The following AGO3 variants were observed in gnomAD, a reference collection of about 807,000 sequenced individuals.
The protein encoded by AGO3 is argonaute RISC catalytic component 3.
AGO3 carries 16 observed loss-of-function variants against 105.5 expected under a neutral mutation model. That is an observed-to-expected ratio of 0.15 (90% CI 0.10 to 0.23). AGO3 has a LOEUF of 0.23. Among genes scored for constraint, AGO3 ranks in the 10% least tolerant of loss-of-function variants. AGO3 has a pLI of 1.00. For missense variants in AGO3, 534 were observed against 1,088.0 expected (o/e 0.49, Z 7.16); for synonymous variants, 340 against 367.3 (o/e 0.93, Z 0.85).
intron 1 of AGO3, among the ~76,000 whole-genome samples, chr1:35,942,899 C>T (rs1022871966): frequency 2.0e-5 from 3 of 152,164 alleles, no homozygotes; most frequent in African/African-American, 4.8e-5. Flanking sequence ...TCTCAACTCC[C>T]GGTGACCACA....
intron 11 of AGO3, among the ~76,000 whole-genome samples, chr1:36,024,659 G>A (rs1039844957): frequency 5.9e-5 from 9 of 152,086 alleles, no homozygotes; most frequent in African/African-American, 1.9e-4. Flanking sequence ...TTGACTAAGA[G>A]TGACATTCAA....
At chr1:35,958,389 A>C (rs1646612724) in intron 2 of AGO3, among the ~76,000 whole-genome samples, 1 of 151,858 alleles carries the variant, frequency 6.6e-6, no homozygotes, top group Middle Eastern at 3.2e-3. Flanking sequence ...ATAAAAAAAA[A>C]AGAAAAATTT....
chr1:35,933,478 CA>C (rs1375776991), intron 1 of AGO3, among the ~76,000 whole-genome samples: 1 of 151,462 alleles, frequency 6.6e-6, no homozygotes, highest in Non-Finnish European at 1.5e-5. Context: ...CCTGCCTCTA[CA>C]AAAAACAGAA....
At chr1:35,960,372 C>T (rs1646651246) in intron 2 of AGO3, among the ~76,000 whole-genome samples, 2 of 152,060 alleles carry the variant, frequency 1.3e-5, no homozygotes, top group Non-Finnish European at 2.9e-5. Flanking sequence ...CCCAGTTACT[C>T]AGAAGGCTAA....
At chr1:35,986,382 A>T (rs986760919) in intron 5 of AGO3, among the ~76,000 whole-genome samples, 4 of 152,222 alleles carry the variant, frequency 2.6e-5, no homozygotes, top group African/African-American at 9.7e-5. Flanking sequence ...ATATGTATCA[A>T]TGTGAATTAT....
chr1:36,050,819 A>G (rs1480689427), intron 17 of AGO3, among the ~76,000 whole-genome samples: 1 of 146,548 alleles, frequency 6.8e-6, no homozygotes, highest in Non-Finnish European at 1.5e-5. Flanking sequence ...AAGATACTTG[A>G]TTTGATTTCT....
chr1:36,027,893 G>A lies in AGO3; in HGVS notation c.1591+595G>A, dbSNP rs1641581987. Among the ~76,000 whole-genome samples, 2 of 152,260 alleles carry A rather than the reference G, an allele frequency of 1.3e-5. No homozygotes were observed. Among genetic ancestry groups the A allele is most frequent in the South Asian group, 4.1e-4 (2 of 4,826 alleles). On this transcript the variant is annotated intron_variant, in intron 12 of 18. Transcript: ENST00000373191. The surrounding 1 kb of genome is among the most constrained non-coding windows in gnomAD (Gnocchi z 4.0). ...ATAATTTGAGTATCAGTATAATGTA[G>A]TGGTTAAAAGCACAGGCTATCAAAT... is the stretch of plus-strand genomic sequence containing the variant.
intron 5 of AGO3, among the ~76,000 whole-genome samples, chr1:35,986,245 T>G (rs886787503): frequency 2.0e-5 from 3 of 152,188 alleles, no homozygotes; most frequent in African/African-American, 7.2e-5. Context: ...CTTGAAACAT[T>G]ATATGTAATA....
chr1:36,040,312 A>G lies in AGO3; in HGVS notation c.2043A>G (p.Leu681=), dbSNP rs1642191879. ...TTCCATTTCATATTCTCTAGGTATTATATTATGAACTACTAGCAATTCGAG... is the reference window on the plus strand; with the variant it reads ...TTCCATTTCATATTCTCTAGGTATTGTATTATGAACTACTAGCAATTCGAG... ...GVSEGQFRQV[L]YYELLAIREA... is the part of the protein sequence containing the mutation. Residue 681 remains leucine (L), a synonymous_variant, in exon 16 of 19, where the codon TTA becomes TTG. Coordinates refer to ENST00000373191, the MANE Select transcript of AGO3 (RefSeq NM_024852.4). 1 of 1,612,832 alleles carries G rather than the reference A, an allele frequency of 6.2e-7. No individual in the cohort carries two copies. The highest frequency in any genetic ancestry group is 8.5e-7 in the Non-Finnish European group (1 of 1,179,112).
intron 1 of AGO3, among the ~76,000 whole-genome samples, chr1:35,943,014 T>C (rs955943955): frequency 2.6e-5 from 4 of 152,120 alleles, no homozygotes; most frequent in Admixed American, 2.0e-4. Flanking sequence ...GTTTTGTTTT[T>C]TTTTTTGAGA....
At chr1:35,945,620 A>G (rs1646348909) in intron 1 of AGO3, 72 bp from the exon 2 acceptor site, 1 of 1,473,538 alleles carries the variant, frequency 6.8e-7, no homozygotes, top group Non-Finnish European at 9.3e-7. Flanking sequence ...TAATTCTAAT[A>G]TACTCTGGTT....
At chr1:35,983,467 G>A (rs1483204659) in intron 5 of AGO3, 1 of 150,708 alleles carries the variant, frequency 6.6e-6, no homozygotes. Flanking sequence ...GTGCGTACTT[G>A]TAGTCCCAGC....
intron 1 of AGO3, among the ~76,000 whole-genome samples, chr1:35,936,614 AC>A (rs1324186213): frequency 6.6e-6 from 1 of 152,124 alleles, no homozygotes; most frequent in Non-Finnish European, 1.5e-5. Context: ...GAGCCACTGC[AC>A]CTGCCCTAGA....
At chr1:36,017,032 T>G (rs1337248995) in intron 11 of AGO3, among the ~76,000 whole-genome samples, 1 of 152,144 alleles carries the variant, frequency 6.6e-6, no homozygotes, top group African/African-American at 2.4e-5. Flanking sequence ...TTACCAAGAT[T>G]TTGGGTTTCT....
At chr1:36,039,653 T>C in intron 14 of AGO3, 137 bp from the exon 15 acceptor site, 1 of 609,750 alleles carries the variant, frequency 1.6e-6, no homozygotes, top group Non-Finnish European at 2.4e-6. Flanking sequence ...AACTCAGAAT[T>C]ACTATTTTTG....
chr1:35,965,195 A>C (rs1304125316), intron 2 of AGO3, among the ~76,000 whole-genome samples: 1 of 152,054 alleles, frequency 6.6e-6, no homozygotes, highest in African/African-American at 2.4e-5. Flanking sequence ...AATTTCACCT[A>C]AGAAACCAGA....
chr1:35,971,928 G>T, intron 3 of AGO3, 96 bp from the exon 4 acceptor site: 10 of 1,174,632 alleles, frequency 8.5e-6, no homozygotes, highest in African/African-American at 1.6e-5. Context: ...CTTTATTTTT[G>T]CCATGTTTTC....
chr1:36,019,644 A>G (rs908232319), intron 11 of AGO3, among the ~76,000 whole-genome samples: 1 of 152,246 alleles, frequency 6.6e-6, no homozygotes, highest in African/African-American at 2.4e-5. Flanking sequence ...CAGATGTAGC[A>G]GAAAGGTACC....
At chr1:35,955,696 G>A (rs1159302880) in intron 2 of AGO3, among the ~76,000 whole-genome samples, 2 of 151,756 alleles carry the variant, frequency 1.3e-5, no homozygotes, top group African/African-American at 2.4e-5. Context: ...CTGGGCCCGA[G>A]CAATCCTCCC....
Sources: gnomAD v4.1 joint callset for allele counts (sites outside exome capture counted in the v4.1 genomes callset) on GRCh38, gnomAD v4.1.1 for gene constraint, Gnocchi (gnomAD v3.1) non-coding constraint, MANE v1.5 for transcripts, NCBI Gene and HGNC (gene_info 2026-07-23, HGNC 2026-07-21) for gene names.